Variants in LIMCH1 observed in about 807,000 individuals in gnomAD.
The protein encoded by LIMCH1 is LIM and calponin homology domains-containing protein 1.
Under a neutral mutation model 176.5 loss-of-function variants are expected in LIMCH1, and 113 were observed. That is an observed-to-expected ratio of 0.64 (90% confidence interval 0.55 to 0.75). LIMCH1 has a LOEUF of 0.75. Among genes scored for constraint, LIMCH1 ranks in the 30% least tolerant of loss-of-function variants. The pLI, the probability that LIMCH1 is intolerant of heterozygous loss-of-function variation, is 0.00. For missense variants in LIMCH1, 1,674 were observed against 1,814.9 expected, an observed-to-expected ratio of 0.92 and a Z score of 1.41; for synonymous variants, 619 against 645.9, an observed-to-expected ratio of 0.96 and a Z score of 0.63.
At chr4:41,559,830 G>A (rs1031786388) in intron 1 of LIMCH1, among the ~76,000 whole-genome samples, 2 of 151,956 alleles carry the variant, frequency 1.3e-5, no homozygotes, top group Admixed American at 6.6e-5. Context: ...ATTTCTTCTG[G>A]TTCTGTCTTT....
chr4:41,594,095 G>A (rs908236080), intron 1 of LIMCH1, among the ~76,000 whole-genome samples: 1 of 152,140 alleles, frequency 6.6e-6, no homozygotes, highest in Non-Finnish European at 1.5e-5. Flanking sequence ...GCAAAATCAT[G>A]ATCACACCTA....
At chr4:41,494,020 T>G (rs1037044415) in intron 1 of LIMCH1, among the ~76,000 whole-genome samples, 2 of 152,154 alleles carry the variant, frequency 1.3e-5, no homozygotes, top group African/African-American at 4.8e-5. Flanking sequence ...TTCCCCAGGC[T>G]TTTTTGAAAG....
intron 1 of LIMCH1, among the ~76,000 whole-genome samples, chr4:41,539,501 C>T (rs1280423651): frequency 3.9e-5 from 6 of 152,218 alleles, no homozygotes; most frequent in Non-Finnish European, 7.3e-5. Flanking sequence ...GCAGCCATAA[C>T]TCCTCCAATT....
intron 1 of LIMCH1, among the ~76,000 whole-genome samples, chr4:41,553,273 G>A (rs1035001724): frequency 7.9e-5 from 12 of 152,308 alleles, no homozygotes; most frequent in East Asian, 7.7e-4. Context: ...AGTAGGGGAG[G>A]CAGACAATTT....
intron 2 of LIMCH1, among the ~76,000 whole-genome samples, chr4:41,517,589 T>G (rs541966558): frequency 5.6e-4 from 86 of 152,294 alleles, no homozygotes; most frequent in African/African-American, 1.9e-3. Context: ...TGGTAGATAT[T>G]GATGGCAGCT....
chr4:41,409,996 T>G (rs2059339478), intron 1 of LIMCH1, among the ~76,000 whole-genome samples: 1 of 152,240 alleles, frequency 6.6e-6, no homozygotes, highest in African/African-American at 2.4e-5. Flanking sequence ...CTCCTTTATT[T>G]TTTATCTGCC....
chr4:41,404,592 A>G (rs1254879027), intron 1 of LIMCH1, among the ~76,000 whole-genome samples: 1 of 152,092 alleles, frequency 6.6e-6, no homozygotes, highest in Non-Finnish European at 1.5e-5. Flanking sequence ...AGCCTGACCA[A>G]CATGATGAAA....
At chr4:41,599,815 A>G (rs901005497) in intron 2 of LIMCH1, among the ~76,000 whole-genome samples, 2 of 152,174 alleles carry the variant, frequency 1.3e-5, no homozygotes, top group Admixed American at 1.3e-4. Flanking sequence ...TTTTGGAGTC[A>G]TTTTATCATG....
chr4:41,555,666 T>A (rs1435920722), intron 1 of LIMCH1, among the ~76,000 whole-genome samples: 1 of 151,882 alleles, frequency 6.6e-6, no homozygotes, highest in African/African-American at 2.4e-5. Context: ...CAAACAAGAA[T>A]TTTTTTTTCT....
chr4:41,650,664 C>A, intron 18 of LIMCH1, 56 bp downstream of exon 18: 1 of 1,428,588 alleles, frequency 7.0e-7, no homozygotes, highest in Non-Finnish European at 9.6e-7. Flanking sequence ...GTGAAAGAAT[C>A]TGTTTTTAAA....
chr4:41,443,035 A>G (rs776423528), intron 1 of LIMCH1, among the ~76,000 whole-genome samples: 25 of 152,192 alleles, frequency 1.6e-4, no homozygotes, highest in Non-Finnish European at 2.9e-4. Flanking sequence ...GAAAGGTCCT[A>G]TCATTTTTCA....
chr4:41,406,843 G>A (rs1253290502), intron 1 of LIMCH1, among the ~76,000 whole-genome samples: 1 of 152,116 alleles, frequency 6.6e-6, no homozygotes, highest in Non-Finnish European at 1.5e-5. Flanking sequence ...AGACTCCAGC[G>A]TGGATATGAT....
chr4:41,397,953 A>G (rs967856834), intron 1 of LIMCH1, among the ~76,000 whole-genome samples: 5 of 152,078 alleles, frequency 3.3e-5, no homozygotes, highest in Admixed American at 2.6e-4. Flanking sequence ...CTTTTAGACC[A>G]TATTAATTTA....
At chr4:41,568,728 A>G (rs2083101279) in intron 1 of LIMCH1, among the ~76,000 whole-genome samples, 1 of 152,242 alleles carries the variant, frequency 6.6e-6, no homozygotes, top group South Asian at 2.1e-4. Flanking sequence ...AGGTATTGGC[A>G]GTTACTATGA....
At chr4:41,607,905 A>C (rs1461628623) in intron 4 of LIMCH1, among the ~76,000 whole-genome samples, 3 of 152,166 alleles carry the variant, frequency 2.0e-5, no homozygotes, top group Admixed American at 1.3e-4. Flanking sequence ...CTTGAACTTC[A>C]CTGGACTATC....
chr4:41,455,536 T>C (rs2064480965), intron 1 of LIMCH1, among the ~76,000 whole-genome samples: 1 of 152,194 alleles, frequency 6.6e-6, no homozygotes, highest in African/African-American at 2.4e-5. Flanking sequence ...AGAATGTGGC[T>C]TAAACGCTCA....
At chr4:41,613,958 C>T (rs754648816) in intron 5 of LIMCH1, among the ~76,000 whole-genome samples, 1 of 152,194 alleles carries the variant, frequency 6.6e-6, no homozygotes, top group Non-Finnish European at 1.5e-5. Flanking sequence ...AGACACTGTG[C>T]AGACCATTAG....
intron 1 of LIMCH1, among the ~76,000 whole-genome samples, chr4:41,396,789 A>G (rs142946042): frequency 0.022 from 3,373 of 152,036 alleles, 124 homozygotes; most frequent in African/African-American, 0.078. Context: ...TGTAATCCCA[A>G]CTACTTGGGA....
chr4:41,678,187 G>A (rs766069890), intron 23 of LIMCH1, among the ~76,000 whole-genome samples: 2 of 151,548 alleles, frequency 1.3e-5, no homozygotes, highest in Non-Finnish European at 2.9e-5. Context: ...CATGCAGTGC[G>A]TAGAAAGCAA....
Sources: gnomAD v4.1 joint callset for allele counts (sites outside exome capture counted in the v4.1 genomes callset) on GRCh38, gnomAD v4.1.1 for gene constraint, MANE v1.5 for transcripts, NCBI Gene and HGNC (gene_info 2026-07-23, HGNC 2026-07-21) for gene names.